Variants in DHX35 observed in about 807,000 individuals in gnomAD.
The protein encoded by DHX35 is DEAH-box helicase 35, also known as probable ATP-dependent RNA helicase DHX35.
Under a neutral mutation model 99.6 loss-of-function variants are expected in DHX35, and 84 were observed. That is an observed-to-expected ratio of 0.84 (90% confidence interval 0.71 to 1.01). The LOEUF is 1.01. Ranked by LOEUF, DHX35 falls within the 50% of genes least tolerant of loss-of-function variation. The pLI is 0.00. For synonymous variants in DHX35, 331 were observed against 316.2 expected (o/e 1.05, Z -0.50); for missense variants, 852 against 888.5 (o/e 0.96, Z 0.52).
chr20:38,968,954 C>T, intron 1 of DHX35, 127 bp from the exon 2 acceptor site: 1 of 1,140,662 alleles, frequency 8.8e-7, no homozygotes. Flanking sequence ...GGTTGAATAC[C>T]TTTGAGTAGT....
chr20:39,021,948 T>C lies in DHX35; in HGVS notation c.1593+13T>C. ...GAAGTCTCACGCAGTAAGTCAGCTC[T>C]GTCCCCAGGCTGTCTGTACCAGTCT... On this transcript the variant is annotated intron_variant, in intron 16 of 21. Transcript: ENST00000252011. 3 of 1,611,386 alleles carry C rather than the reference T, an allele frequency of 1.9e-6. No homozygotes were observed. In the South Asian group the frequency reaches 3.3e-5, roughly 18 times the overall value.
At chr20:39,001,248 C>CTG (rs2086515442) in intron 8 of DHX35, among the ~76,000 whole-genome samples, 5 of 152,116 alleles carry the variant, frequency 3.3e-5, no homozygotes, top group Non-Finnish European at 7.4e-5. Context: ...GGCCTAAAAC[C>CTG]AGTAACAATG....
At position 39,038,659 on chromosome 20, in the gene DHX35, G is replaced by A; in HGVS notation, c.*116G>A. 9.4e-7 allele frequency: 1 copy of A among 1,063,226 alleles called. No homozygotes were observed. Among genetic ancestry groups the A allele is most frequent in the Non-Finnish European group, 1.4e-6 (1 of 723,092 alleles). 65.9% of individuals were successfully genotyped at this position (1,063,226 alleles called of 1,614,324 possible). On this transcript the variant is annotated 3_prime_UTR_variant, in exon 22 of 22. Coordinates refer to ENST00000252011, the MANE Select transcript of DHX35 (RefSeq NM_021931.4). ...CTCCTGTGGAATGTTTGGTTGCTCTGAAGTGGGCTGCGGCCTGTTCATTAG... is the reference window on the plus strand; with the variant it reads ...CTCCTGTGGAATGTTTGGTTGCTCTAAAGTGGGCTGCGGCCTGTTCATTAG...
chr20:39,036,893 C>T lies in DHX35; in HGVS notation c.2068-1606C>T, dbSNP rs550990902. On this transcript the variant is annotated intron_variant, in intron 21 of 21. Coordinates refer to ENST00000252011, the MANE Select transcript of DHX35 (RefSeq NM_021931.4). ...AGCAGATTGATTTCTCAAAGAACCT[C>T]CAGATCTACAGGGGTTGCCCATGTA... Among the ~76,000 whole-genome samples the T allele has an allele frequency of 5.9e-5, 9 of 152,278 alleles. No homozygotes were observed. In the South Asian group the frequency reaches 1.9e-3, roughly 32 times the overall value.
chr20:39,020,315 A>G (rs2086853206), intron 15 of DHX35, among the ~76,000 whole-genome samples: 1 of 152,198 alleles, frequency 6.6e-6, no homozygotes. Flanking sequence ...TTTTTGAGGT[A>G]GTGCCCTACT....
chr20:39,008,006 C>T (rs909031630), intron 12 of DHX35, among the ~76,000 whole-genome samples: 48 of 152,184 alleles, frequency 3.2e-4, no homozygotes, highest in African/African-American at 1.2e-3. Flanking sequence ...ACATTTCAGC[C>T]ACTCCAGAAT....
intron 6 of DHX35, 126 bp from the exon 7 acceptor site, chr20:38,992,230 C>G: frequency 1.4e-6 from 1 of 714,698 alleles, no homozygotes; most frequent in Non-Finnish European, 2.4e-6. Flanking sequence ...AGAAGAGTGA[C>G]TTAGGTTTAC....
chr20:39,034,546 G>A (rs1446340391), intron 21 of DHX35, among the ~76,000 whole-genome samples: 22 of 151,566 alleles, frequency 1.5e-4, no homozygotes, highest in Non-Finnish European at 1.5e-5. Context: ...AGAAAAAAAA[G>A]GTATCGCTTT....
At chr20:39,023,558 G>A (rs968564452) in intron 16 of DHX35, 132 bp from the exon 17 acceptor site, 4 of 712,336 alleles carry the variant, frequency 5.6e-6, no homozygotes, top group Non-Finnish European at 9.6e-6. Context: ...TACCTATGTT[G>A]CCCAGGCTGG....
intron 1 of DHX35, among the ~76,000 whole-genome samples, chr20:38,967,339 G>A (rs960635463): frequency 1.3e-5 from 2 of 152,176 alleles, no homozygotes; most frequent in African/African-American, 4.8e-5. Context: ...GGAGATGATG[G>A]TTATTGGTTA....
chr20:39,003,454 A>G (rs757244188), intron 10 of DHX35, among the ~76,000 whole-genome samples: 4 of 152,200 alleles, frequency 2.6e-5, no homozygotes, highest in Non-Finnish European at 5.9e-5. Flanking sequence ...GACACCGTAT[A>G]TGTATGCTGA....
At chr20:39,011,005 G>A (rs183700393) in intron 13 of DHX35, among the ~76,000 whole-genome samples, 15 of 152,280 alleles carry the variant, frequency 9.9e-5, no homozygotes, top group African/African-American at 2.9e-4. Context: ...ATTGTGCCAT[G>A]TTATCTTCTT....
chr20:38,996,458 G>A (rs2086430779), intron 8 of DHX35, among the ~76,000 whole-genome samples: 1 of 152,236 alleles, frequency 6.6e-6, no homozygotes, highest in African/African-American at 2.4e-5. Flanking sequence ...AGCCAGAGAG[G>A]ATGAACTCCA....
intron 3 of DHX35, among the ~76,000 whole-genome samples, chr20:38,975,766 TG>T (rs2086066076): frequency 6.6e-6 from 1 of 152,240 alleles, no homozygotes; most frequent in East Asian, 1.9e-4. Flanking sequence ...CTTAGGCTGA[TG>T]GTACTGCTCT....
At chr20:38,983,038 G>C (rs1232254755) in intron 3 of DHX35, among the ~76,000 whole-genome samples, 2 of 151,044 alleles carry the variant, frequency 1.3e-5, no homozygotes, top group African/African-American at 4.9e-5. Context: ...CGATTCTCCT[G>C]CCTCAGCCTC....
At position 39,018,853 on chromosome 20, in the gene DHX35, A is replaced by C; in HGVS notation, c.1452A>C (p.Ala484=). 2 of 1,614,052 alleles carry C rather than the reference A, an allele frequency of 1.2e-6. No individual in the cohort carries two copies. Among genetic ancestry groups the C allele is most frequent in the Middle Eastern group, 1.7e-4 (1 of 6,060 alleles). ...CTGAACCGCTTGGCATGAGAATTGCAGAGTTTCCTTTGAATCCCATGTTTG... is the reference window on the plus strand; with the variant it reads ...CTGAACCGCTTGGCATGAGAATTGCCGAGTTTCCTTTGAATCCCATGTTTG... ...RLTEPLGMRI[A]EFPLNPMFAK... is the part of the protein sequence containing the mutation. The change falls in exon 15 of 22, where the codon GCA becomes GCC. Residue 484 remains alanine (A), a synonymous_variant. Transcript: ENST00000252011.
chr20:39,005,747 T>A (rs1382513715), intron 11 of DHX35, among the ~76,000 whole-genome samples: 2 of 152,148 alleles, frequency 1.3e-5, no homozygotes, highest in African/African-American at 2.4e-5. Context: ...CAGAAAGTAA[T>A]CATGATATGA....
At chr20:39,008,784 A>G (rs1467351178) in intron 12 of DHX35, among the ~76,000 whole-genome samples, 1 of 152,190 alleles carries the variant, frequency 6.6e-6, no homozygotes, top group Non-Finnish European at 1.5e-5. Context: ...ACGCTTAGAT[A>G]CCTTTTCCTT....
chr20:38,990,901 A>G (rs1274624963), intron 5 of DHX35, among the ~76,000 whole-genome samples: 1 of 152,182 alleles, frequency 6.6e-6, no homozygotes, highest in African/African-American at 2.4e-5. Context: ...AGGGACAGAG[A>G]AGATGAGTAA....
Sources: gnomAD v4.1 joint callset for allele counts (sites outside exome capture counted in the v4.1 genomes callset) on GRCh38, gnomAD v4.1.1 for gene constraint, MANE v1.5 for transcripts, NCBI Gene and HGNC (gene_info 2026-07-23, HGNC 2026-07-21) for gene names.